The following TFAM variants were observed in gnomAD, a reference collection of about 807,000 sequenced individuals.
TFAM encodes the protein mitochondrial transcription factor 1.
TFAM carries 13 observed loss-of-function variants against 30.6 expected under a neutral mutation model. That is an observed-to-expected ratio of 0.42 (90% CI 0.28 to 0.67). The LOEUF (loss-of-function observed/expected upper bound fraction) is 0.67. TFAM is among the 30% of genes least tolerant of loss of function. The pLI is 0.21. For missense variants in TFAM, 231 were observed against 293.7 expected, an observed-to-expected ratio of 0.79 and a Z score of 1.56; for synonymous variants, 106 against 94.8, an observed-to-expected ratio of 1.12 and a Z score of -0.69.
In TFAM at chr10:58,394,954, C is replaced by T. The variant is rs751007038; in HGVS notation, c.621C>T (p.Asp207=). 11 of 1,613,294 alleles carry T rather than the reference C, an allele frequency of 6.8e-6. No homozygotes were observed. The highest frequency in any genetic ancestry group is 2.2e-5 in the East Asian group (1 of 44,792). Residue 207 remains aspartate (D), a synonymous_variant, in exon 7 of 7, where the codon GAC becomes GAT. Transcript: ENST00000487519. ...TATATATTCAGCATGCTAAAGAGGA[C>T]GAAACTCGTTATCATAATGAAATGA... ...KELYIQHAKE[D]ETRYHNEMKS...
At chr10:58,392,776 G>A (rs532752028) in intron 5 of TFAM, among the ~76,000 whole-genome samples, 2 of 151,986 alleles carry the variant, frequency 1.3e-5, no homozygotes, top group African/African-American at 4.8e-5. Context: ...CCGGGCTCAA[G>A]CAATTTTCCC....
intron 5 of TFAM, among the ~76,000 whole-genome samples, chr10:58,393,943 A>C (rs1840638835): frequency 1.3e-5 from 2 of 152,052 alleles, no homozygotes; most frequent in Admixed American, 1.3e-4. Flanking sequence ...ATGAAGAGCC[A>C]AGCCCAAGGG....
At chr10:58,387,396 C>T (rs1222879095) in intron 2 of TFAM, among the ~76,000 whole-genome samples, 3 of 152,130 alleles carry the variant, frequency 2.0e-5, no homozygotes, top group Non-Finnish European at 4.4e-5. Context: ...CAATTAATTG[C>T]ACGCCATCAT....
Position 58,398,593 on chromosome 10 carries a change from A to G in TFAM, c.*3519A>G, listed in dbSNP as rs1394965338. On this transcript the variant is annotated 3_prime_UTR_variant, in exon 7 of 7. Coordinates refer to ENST00000487519, the MANE Select transcript of TFAM (RefSeq NM_003201.3). The stretch of plus-strand genomic sequence containing the variant: ...TTTTTACTAATTGCTCTGAATGTGT[A>G]TATTTAGATTTCTGAATTGAAAAAA... 2 of 152,086 alleles carry G rather than the reference A, an allele frequency of 1.3e-5. No homozygotes were observed. The highest frequency in any genetic ancestry group is 1.3e-4 in the Admixed American group (2 of 15,274). 9.4% of individuals were successfully genotyped at this position (152,086 alleles called of 1,614,324 possible).
In TFAM at chr10:58,394,239, T is replaced by A. The variant is rs530328544; in HGVS notation, c.538-119T>A. 79 of 773,464 alleles carry A rather than the reference T, an allele frequency of 1.0e-4. No homozygotes were observed. The East Asian group carries it at 1.7e-3, about 16-fold the overall frequency. 47.9% of individuals were successfully genotyped at this position (773,464 alleles called of 1,614,324 possible). ...AGTTTTTGTTTAGAGAGAAAAGATG[T>A]TAAGAATTGATGAGGCTTTGCCTGT... On this transcript the variant is annotated intron_variant, in intron 5 of 6. Transcript: ENST00000487519.
intron 5 of TFAM, among the ~76,000 whole-genome samples, chr10:58,392,447 G>GT (rs1293579949): frequency 7.4e-3 from 2 of 270 alleles, no homozygotes; most frequent in African/African-American, 0.013. Flanking sequence ...TTCTGAGCTG[G>GT]TCCTTATTTT....
intron 5 of TFAM, among the ~76,000 whole-genome samples, chr10:58,391,429 G>A (rs1226560865): frequency 6.6e-6 from 1 of 152,086 alleles, no homozygotes. Flanking sequence ...CATAGTAAGA[G>A]AAATGGATGT....
intron 4 of TFAM, among the ~76,000 whole-genome samples, chr10:58,389,944 G>T (rs955478780): frequency 5.3e-5 from 8 of 152,186 alleles, no homozygotes; most frequent in East Asian, 1.9e-4. Context: ...AAACCCTCAG[G>T]AGAGAAATCC....
At position 58,397,080 on chromosome 10, in the gene TFAM, A is replaced by G. The variant is rs1269548484; in HGVS notation, c.*2006A>G. 6.6e-6 allele frequency: 1 copy of G among 152,142 alleles called. No individual in the cohort carries two copies. Among genetic ancestry groups the G allele is most frequent in the Non-Finnish European group, 1.5e-5 (1 of 68,040 alleles). The allele number at this position is 152,142 out of a possible 1,614,324, so 9.4% of individuals were successfully genotyped here. ...AGAAAAAGCCCTAAGTCCCTGTGTC[A>G]TCTAGAATGGTACTAATTATGTACA... is the stretch of plus-strand genomic sequence containing the variant. On this transcript the variant is annotated 3_prime_UTR_variant, in exon 7 of 7. Coordinates refer to ENST00000487519, the MANE Select transcript of TFAM (RefSeq NM_003201.3).
At chr10:58,389,847 CTCTT>C (rs1303301536) in intron 4 of TFAM, among the ~76,000 whole-genome samples, 2 of 152,192 alleles carry the variant, frequency 1.3e-5, no homozygotes, top group East Asian at 1.9e-4. Context: ...TTGTCATTCT[CTCTT>C]TCTTTTGTAA....
Position 58,386,114 on chromosome 10 carries a change from C to T in TFAM, c.102-106C>T, listed in dbSNP as rs1840484931. 6 of 841,250 alleles carry T rather than the reference C, an allele frequency of 7.1e-6. No individual in the cohort carries two copies. In the East Asian group the frequency reaches 1.4e-4, roughly 20 times the overall value. The allele number at this position is 841,250 out of a possible 1,614,324, so 52.1% of individuals were successfully genotyped here. Reference sequence around the variant, plus strand: ...GCATTCTTGTTGAAGGCGTTGGATACATAGTATCTTGATGACATTTCTTAT... The same window carrying T: ...GCATTCTTGTTGAAGGCGTTGGATATATAGTATCTTGATGACATTTCTTAT... On this transcript the variant is annotated intron_variant, in intron 1 of 6. Transcript: ENST00000487519.
intron 5 of TFAM, among the ~76,000 whole-genome samples, chr10:58,394,126 C>G (rs1029400950): frequency 3.3e-5 from 5 of 152,132 alleles, no homozygotes; most frequent in African/African-American, 1.2e-4. Context: ...TTTATGACAA[C>G]ACATAGATTA....
chr10:58,394,631 C>A (rs183257826), intron 6 of TFAM: 18 of 685,316 alleles, frequency 2.6e-5, no homozygotes, highest in Admixed American at 4.2e-5. Context: ...CACTCATAAG[C>A]CTGAGTGTCC....
intron 4 of TFAM, 133 bp from the exon 5 acceptor site, chr10:58,390,632 C>T (rs190606872): frequency 2.8e-6 from 2 of 713,622 alleles, no homozygotes; most frequent in Admixed American, 5.1e-5. Flanking sequence ...GTAATAATCA[C>T]ACTATATAAG....
rs1411636473 is a variant in TFAM, at chr10:58,385,443, A to G, written c.-105A>G. ...TCGCTAGTGGCGGGCATGATAACAC[A>G]CGCCGGAGGGTCGCACGCGGGTTCC... On this transcript the variant is annotated 5_prime_UTR_variant, in exon 1 of 7. Transcript: ENST00000487519. The G allele has an allele frequency of 7.2e-6, 6 of 830,982 alleles. No homozygotes were observed. The East Asian group carries it at 1.1e-4, about 15-fold the overall frequency. The allele number at this position is 830,982 out of a possible 1,614,324, so 51.5% of individuals were successfully genotyped here.
chr10:58,393,389 G>A (rs1283066732), intron 5 of TFAM, among the ~76,000 whole-genome samples: 1 of 152,130 alleles, frequency 6.6e-6, no homozygotes, highest in Admixed American at 6.6e-5. Flanking sequence ...AATTCTGTAT[G>A]GTAAATTAAG....
intron 2 of TFAM, among the ~76,000 whole-genome samples, chr10:58,387,384 A>G (rs905093658): frequency 1.3e-5 from 2 of 152,250 alleles, no homozygotes; most frequent in Non-Finnish European, 2.9e-5. Flanking sequence ...ATTTTTAAAA[A>G]TCAATTAATT....
intron 5 of TFAM, among the ~76,000 whole-genome samples, chr10:58,393,605 T>C (rs1840632823): frequency 6.6e-6 from 1 of 152,140 alleles, no homozygotes; most frequent in Non-Finnish European, 1.5e-5. Flanking sequence ...TAAACATCTT[T>C]GGCTGGGCAC....
At chr10:58,387,417 A>G (rs895907354) in intron 2 of TFAM, among the ~76,000 whole-genome samples, 5 of 152,226 alleles carry the variant, frequency 3.3e-5, no homozygotes, top group African/African-American at 1.2e-4. Flanking sequence ...TCCGGTTAAG[A>G]TGAAGAAGGA....
Sources: gnomAD v4.1 joint callset for allele counts (sites outside exome capture counted in the v4.1 genomes callset) on GRCh38, gnomAD v4.1.1 for gene constraint, MANE v1.5 for transcripts, NCBI Gene and HGNC (gene_info 2026-07-23, HGNC 2026-07-21) for gene names.